PTPRD: variants seen among roughly 807,000 people sequenced by gnomAD.
PTPRD encodes receptor-type tyrosine-protein phosphatase delta.
A neutral mutation model predicts 214.5 loss-of-function variants in PTPRD; 34 were observed. The observed-to-expected ratio is 0.16, with a 90% CI of 0.12 to 0.21. The LOEUF is 0.21. Among genes scored for constraint, PTPRD ranks in the 10% least tolerant of loss-of-function variants. The pLI, the probability that PTPRD is intolerant of heterozygous loss-of-function variation, is 1.00. For synonymous variants in PTPRD, 1,128 were observed against 845.7 expected, an observed-to-expected ratio of 1.33 and a Z score of -5.79; for missense variants, 2,545 against 2,398.7, an observed-to-expected ratio of 1.06 and a Z score of -1.27.
chr9:9,920,846 G>A (rs900770554), intron 5 of PTPRD, among the ~76,000 whole-genome samples: 8 of 151,726 alleles, frequency 5.3e-5, no homozygotes, highest in South Asian at 2.1e-4. Flanking sequence ...GACCCACTCC[G>A]GCTTCCATCT....
intron 8 of PTPRD, among the ~76,000 whole-genome samples, chr9:9,504,669 A>T (rs1420426278): frequency 6.6e-6 from 1 of 151,696 alleles, no homozygotes; most frequent in African/African-American, 2.4e-5. Flanking sequence ...AGACAAGAAA[A>T]AGAAATAAAA....
intron 10 of PTPRD, among the ~76,000 whole-genome samples, chr9:9,022,083 A>G (rs1007945099): frequency 1.6e-4 from 25 of 152,168 alleles, no homozygotes; most frequent in African/African-American, 6.0e-4. Context: ...TGGCACATGT[A>G]TACCTATGTA....
intron 9 of PTPRD, among the ~76,000 whole-genome samples, chr9:9,290,008 T>C (rs1950639790): frequency 6.6e-6 from 1 of 151,780 alleles, no homozygotes; most frequent in South Asian, 2.1e-4. Flanking sequence ...CGTGGTTCTA[T>C]TTTTAATTTT....
intron 12 of PTPRD, among the ~76,000 whole-genome samples, chr9:8,673,192 G>C (rs546695107): frequency 6.6e-6 from 1 of 151,444 alleles, no homozygotes; most frequent in African/African-American, 2.4e-5. Context: ...GAAACACAGC[G>C]GCTGTCTCCA....
chr9:10,180,201 G>A (rs2099274103), intron 3 of PTPRD, among the ~76,000 whole-genome samples: 1 of 151,896 alleles, frequency 6.6e-6, no homozygotes, highest in African/African-American at 2.4e-5. Flanking sequence ...ATTATATATA[G>A]GATAGACATT....
intron 3 of PTPRD, among the ~76,000 whole-genome samples, chr9:10,062,650 G>C (rs2097795240): frequency 6.6e-6 from 1 of 151,958 alleles, no homozygotes. Flanking sequence ...TTCTACAACA[G>C]AGTTGTTAAG....
intron 5 of PTPRD, among the ~76,000 whole-genome samples, chr9:9,934,903 G>C (rs1378220075): frequency 5.9e-5 from 9 of 152,246 alleles, no homozygotes; most frequent in Non-Finnish European, 5.9e-5. Flanking sequence ...TCATCCCTGG[G>C]ATGCAAGGCT....
intron 3 of PTPRD, among the ~76,000 whole-genome samples, chr9:10,219,563 G>T (rs1281799113): frequency 6.6e-6 from 1 of 151,740 alleles, no homozygotes; most frequent in Non-Finnish European, 1.5e-5. Flanking sequence ...AAAGTTGGGG[G>T]GAAAGGTCCC....
chr9:9,453,541 G>A (rs1406944524), intron 8 of PTPRD, among the ~76,000 whole-genome samples: 1 of 151,476 alleles, frequency 6.6e-6, no homozygotes, highest in Admixed American at 6.6e-5. Flanking sequence ...TACAGTCTAA[G>A]GGGATTCTTA....
Position 8,966,933 on chromosome 9 carries a change from C to CA in PTPRD, c.-104+51763dup, listed in dbSNP as rs1212261693. On this transcript the variant is annotated intron_variant, in intron 11 of 45. Coordinates refer to ENST00000381196, the MANE Select transcript of PTPRD (RefSeq NM_002839.4). ...AAGCAAAAACAAACAAACAAACAAACAACAAAACAACAAACAAACAAAATA... is the reference window on the plus strand; with the variant it reads ...AAGCAAAAACAAACAAACAAACAAACAAACAAAACAACAAACAAACAAAATA... Among the ~76,000 whole-genome samples, 6 of 149,564 alleles carry CA rather than the reference C, an allele frequency of 4.0e-5. No homozygotes were observed. In the South Asian group the frequency reaches 1.1e-3, roughly 26 times the overall value.
chr9:9,105,048 A>C (rs2154444405), intron 10 of PTPRD, among the ~76,000 whole-genome samples: 1 of 152,354 alleles, frequency 6.6e-6, no homozygotes, highest in South Asian at 2.1e-4. Flanking sequence ...CAACAGCCTC[A>C]GATAATACAT....
rs577204072 is a variant in PTPRD, at chr9:10,450,037, A to G, written c.-599-109020T>C. Among the ~76,000 whole-genome samples, 3 of 151,744 alleles carry G rather than the reference A, an allele frequency of 2.0e-5. No homozygotes were observed. In the South Asian group the frequency reaches 6.2e-4, roughly 31 times the overall value. On this transcript the variant is annotated intron_variant, in intron 2 of 45. Coordinates refer to ENST00000381196, the MANE Select transcript of PTPRD (RefSeq NM_002839.4). The stretch of plus-strand genomic sequence containing the variant: ...TGTGCTTTGTTAAACAGATGCTTGA[A>G]GGCAGCATGCTCCTTAAGAGTCATC...
chr9:8,757,467 T>C (rs2094087839), intron 11 of PTPRD, among the ~76,000 whole-genome samples: 1 of 151,926 alleles, frequency 6.6e-6, no homozygotes, highest in Non-Finnish European at 1.5e-5. Context: ...ACCATACAGT[T>C]TGGGTGTAAG....
At chr9:9,118,825 A>G (rs1423540832) in intron 10 of PTPRD, among the ~76,000 whole-genome samples, 3 of 152,192 alleles carry the variant, frequency 2.0e-5, no homozygotes, top group African/African-American at 7.2e-5. Flanking sequence ...TCTACCTTAA[A>G]GTAAATAATA....
intron 3 of PTPRD, among the ~76,000 whole-genome samples, chr9:10,090,154 T>C (rs541819755): frequency 6.6e-6 from 1 of 151,738 alleles, no homozygotes; most frequent in East Asian, 2.0e-4. Context: ...CAGTAACTGT[T>C]ATTTCACTTT....
intron 29 of PTPRD, among the ~76,000 whole-genome samples, chr9:8,484,764 A>G (rs1463503170): frequency 2.6e-5 from 4 of 152,148 alleles, no homozygotes; most frequent in African/African-American, 9.7e-5. Flanking sequence ...TTCTAAATAT[A>G]CTTTTACTTT....
chr9:9,147,420 T>A (rs896205907), intron 10 of PTPRD, among the ~76,000 whole-genome samples: 1 of 152,118 alleles, frequency 6.6e-6, no homozygotes, highest in Admixed American at 6.5e-5. Flanking sequence ...GCACTTACCA[T>A]AAATTTTACT....
chr9:9,613,784 T>A (rs2094684533), intron 7 of PTPRD, among the ~76,000 whole-genome samples: 1 of 152,094 alleles, frequency 6.6e-6, no homozygotes, highest in South Asian at 2.1e-4. Context: ...TTTATAGAGA[T>A]CCTCGGGTGA....
At chr9:10,097,239 A>G (rs900876610) in intron 3 of PTPRD, among the ~76,000 whole-genome samples, 5 of 148,864 alleles carry the variant, frequency 3.4e-5, no homozygotes, top group Admixed American at 2.7e-4. Context: ...TTGGTTCCAT[A>G]TGAACTTTAA....
Sources: gnomAD v4.1 joint callset for allele counts (sites outside exome capture counted in the v4.1 genomes callset) on GRCh38, gnomAD v4.1.1 for gene constraint, MANE v1.5 for transcripts, NCBI Gene and HGNC (gene_info 2026-07-23, HGNC 2026-07-21) for gene names.